The following DEFB121 variants were observed in gnomAD, a reference collection of about 807,000 sequenced individuals.
The protein encoded by DEFB121 is beta-defensin 121.
A neutral mutation model predicts 2.5 loss-of-function variants in DEFB121; 5 were observed. The ratio of observed to expected loss-of-function variants is 1.96; its 90% confidence interval spans 1.03 to 4.13. The LOEUF (loss-of-function observed/expected upper bound fraction) is 4.13, where lower values mean the gene tolerates loss of function less well. Ranked by LOEUF, DEFB121 falls within the 30% of genes most tolerant of loss-of-function variation. The pLI, the probability that DEFB121 is intolerant of heterozygous loss-of-function variation, is 0.00. For missense variants in DEFB121, 87 were observed against 85.0 expected, an observed-to-expected ratio of 1.02 and a Z score of -0.09; for synonymous variants, 39 against 32.6, an observed-to-expected ratio of 1.20 and a Z score of -0.67.
rs1978437221 is a variant in DEFB121, at chr20:31,405,190, G to A, written c.59-105C>T. 4 of 1,120,916 alleles carry A rather than the reference G, an allele frequency of 3.6e-6. No homozygotes were observed. In the Admixed American group the frequency reaches 8.3e-5, roughly 23 times the overall value. The allele number at this position is 1,120,916 out of a possible 1,614,324, so 69.4% of individuals were successfully genotyped here. ...AGTAGAGGAGTAGGAGGGAAATGAG[G>A]AGGTCTGTGGGGAAGAAGCTCTTAC... On this transcript the variant is annotated intron_variant, in intron 1 of 1. Transcript: ENST00000376314.
In DEFB121 at chr20:31,404,941, G is replaced by C; in HGVS notation, c.203C>G (p.Thr68Arg). 1 of 1,614,022 alleles carries C rather than the reference G, an allele frequency of 6.2e-7. No homozygotes were observed. Among genetic ancestry groups the C allele is most frequent in the East Asian group, 2.2e-5 (1 of 44,868 alleles). ...PVKPKLTDTNTSLESTSAV is the reference protein window; with the variant it reads ...PVKPKLTDTNRSLESTSAV The stretch of plus-strand genomic sequence containing the variant: ...GACTGCAGAAGTTGATTCCAGGCTT[G>C]TATTTGTGTCTGTTAATTTTGGTTT... Residue 68 changes from threonine (T) to arginine (R), a missense_variant, in exon 2 of 2, where the codon ACA becomes AGA. By Grantham distance (71) the Thr-to-Arg change is moderately conservative. Coordinates refer to ENST00000376314, the MANE Select transcript of DEFB121 (RefSeq NM_001011878.3).
upstream of DEFB121, among the ~76,000 whole-genome samples, chr20:31,414,788 C>T (rs573851506): frequency 2.0e-5 from 3 of 152,256 alleles, no homozygotes; most frequent in Admixed American, 1.3e-4. Context: ...CAGTAGCTCA[C>T]GCCTGTAGTC....
chr20:31,409,906 G>A (rs1978610052), upstream of DEFB121, among the ~76,000 whole-genome samples: 1 of 152,196 alleles, frequency 6.6e-6, no homozygotes, highest in Non-Finnish European at 1.5e-5. Context: ...ATCAGTGGTT[G>A]CCTGGGGCTG....
In DEFB121 at chr20:31,404,969, C is replaced by T. The variant is rs1435295169; in HGVS notation, c.175G>A (p.Val59Ile). The T allele has an allele frequency of 6.2e-7, 1 of 1,613,660 alleles. No homozygotes were observed. The highest frequency in any genetic ancestry group is 1.3e-5 in the African/African-American group (1 of 74,906). ...TTTGTGTCTGTTAATTTTGGTTTTA[C>T]AGGTACATACTTGGGATCCACACAG... ...KCCVDPKYVP[V>I]KPKLTDTNTS... is the part of the protein sequence containing the mutation. The change falls in exon 2 of 2, where the codon GTA becomes ATA. Residue 59 changes from valine to isoleucine, a missense_variant. Coordinates refer to ENST00000376314, the MANE Select transcript of DEFB121 (RefSeq NM_001011878.3).
chr20:31,407,364 T>G (rs889054867), upstream of DEFB121, among the ~76,000 whole-genome samples: 1 of 152,234 alleles, frequency 6.6e-6, no homozygotes, highest in Non-Finnish European at 1.5e-5. Context: ...CATTTTCCCT[T>G]CACTTTGGCC....
At chr20:31,405,565 T>C (rs959184563) in intron 1 of DEFB121, among the ~76,000 whole-genome samples, 2 of 152,174 alleles carry the variant, frequency 1.3e-5, no homozygotes, top group Admixed American at 6.5e-5. Context: ...AAGAATATCA[T>C]ACTGCCTTCT....
intron 1 of DEFB121, among the ~76,000 whole-genome samples, chr20:31,412,062 C>T (rs1037188691): frequency 1.3e-5 from 2 of 152,204 alleles, no homozygotes; most frequent in African/African-American, 4.8e-5. Context: ...AGATTTCTTC[C>T]ACCCACTTCT....
chr20:31,412,588 C>A (rs1228450188), intron 1 of DEFB121: 12 of 1,287,952 alleles, frequency 9.3e-6, no homozygotes, highest in African/African-American at 3.0e-5. Flanking sequence ...CCTCTGACAA[C>A]TGGTAGTTAC....
chr20:31,418,510 C>A, the DEFB121 span, among the ~76,000 whole-genome samples: 1 of 152,154 alleles, frequency 6.6e-6, no homozygotes, highest in Non-Finnish European at 1.5e-5. Context: ...ATAAGACTCG[C>A]CCACCAATGT....
chr20:31,409,131 TA>T (rs1356427450), upstream of DEFB121, among the ~76,000 whole-genome samples: 1 of 152,120 alleles, frequency 6.6e-6, no homozygotes, highest in African/African-American at 2.4e-5. Flanking sequence ...AAAAACTTGT[TA>T]AAAAAATAAA....
chr20:31,410,938 G>A (rs1978647142), upstream of DEFB121, among the ~76,000 whole-genome samples: 1 of 151,882 alleles, frequency 6.6e-6, no homozygotes, highest in South Asian at 2.1e-4. Flanking sequence ...GGAACCCCCA[G>A]TGGCACAGAG....
chr20:31,411,231 T>C (rs777938975), intron 1 of DEFB121, among the ~76,000 whole-genome samples: 22 of 152,204 alleles, frequency 1.4e-4, no homozygotes, highest in African/African-American at 4.8e-4. Context: ...AGCTGAACTA[T>C]ATACATCTAC....
At chr20:31,409,237 C>G (rs967097381), upstream of DEFB121, among the ~76,000 whole-genome samples, 1 of 152,142 alleles carries the variant, frequency 6.6e-6, no homozygotes, top group African/African-American at 2.4e-5. Flanking sequence ...TATCATACAA[C>G]CAAACAACTC....
Position 31,404,855 on chromosome 20 carries a change from T to C in DEFB121, c.*58A>G, listed in dbSNP as rs561405385. 2.5e-6 allele frequency: 4 copies of C among 1,582,144 alleles called. No homozygotes were observed. In the African/African-American group the frequency reaches 4.1e-5, roughly 16 times the overall value. ...GACAGAAACAGGGTGTTGCCAAGAA[T>C]GATTTAATAGAACTGCAGGATCCCA... On this transcript the variant is annotated 3_prime_UTR_variant, in exon 2 of 2. Coordinates refer to ENST00000376314, the MANE Select transcript of DEFB121 (RefSeq NM_001011878.3).
upstream of DEFB121, among the ~76,000 whole-genome samples, chr20:31,407,575 T>C (rs1401324241): frequency 2.0e-5 from 3 of 152,200 alleles, no homozygotes; most frequent in Admixed American, 2.0e-4. Flanking sequence ...CTCACAGATC[T>C]ACAGTGAGAA....
the DEFB121 span, among the ~76,000 whole-genome samples, chr20:31,418,259 C>CAAAAAAAAAAAA: frequency 1.1e-3 from 90 of 82,964 alleles, no homozygotes; most frequent in Middle Eastern, 0.021. Flanking sequence ...GACTCCGTCT[C>CAAAAAAAAAAAA]AAAAAAAAAA....
upstream of DEFB121, among the ~76,000 whole-genome samples, chr20:31,407,871 G>A (rs188842860): frequency 5.3e-5 from 8 of 152,214 alleles, no homozygotes; most frequent in Admixed American, 2.6e-4. Flanking sequence ...TCTGCCCCCC[G>A]GGTTCAAGCA....
upstream of DEFB121, among the ~76,000 whole-genome samples, chr20:31,407,382 G>A (rs1254676392): frequency 1.3e-5 from 2 of 152,228 alleles, no homozygotes; most frequent in Non-Finnish European, 2.9e-5. Context: ...GCCTTGGCAT[G>A]TGATTTGCTT....
upstream of DEFB121, among the ~76,000 whole-genome samples, chr20:31,416,795 C>T (rs558668035): frequency 3.3e-5 from 5 of 152,272 alleles, no homozygotes; most frequent in South Asian, 2.1e-4. Context: ...AACAATTCCA[C>T]GTTAAGCGCT....
Sources: gnomAD v4.1 joint callset for allele counts (sites outside exome capture counted in the v4.1 genomes callset) on GRCh38, gnomAD v4.1.1 for gene constraint, MANE v1.5 for transcripts, NCBI Gene and HGNC (gene_info 2026-07-23, HGNC 2026-07-21) for gene names.